NELL1: variants seen among roughly 807,000 people sequenced by gnomAD.
The protein encoded by NELL1 is protein kinase C-binding protein NELL1.
A neutral mutation model predicts 107.4 loss-of-function variants in NELL1; 76 were observed. The ratio of observed to expected loss-of-function variants is 0.71; its 90% CI spans 0.59 to 0.86. The LOEUF is 0.86. Ranked by LOEUF, NELL1 falls within the 40% of genes least tolerant of loss-of-function variation. The pLI is 0.00. For missense variants in NELL1, 1,024 were observed against 1,005.5 expected (o/e 1.02, Z -0.25); for synonymous variants, 353 against 341.2 (o/e 1.03, Z -0.38).
At chr11:21,502,757 TA>T (rs1228182617) in intron 15 of NELL1, among the ~76,000 whole-genome samples, 1 of 152,172 alleles carries the variant, frequency 6.6e-6, no homozygotes. Context: ...CTCAAAAAGG[TA>T]AAACAAATGA....
chr11:20,760,560 A>G (rs549102203), intron 2 of NELL1, among the ~76,000 whole-genome samples: 1 of 152,318 alleles, frequency 6.6e-6, no homozygotes, highest in Non-Finnish European at 1.5e-5. Flanking sequence ...CCTCAAGGGC[A>G]TGGATGGAAG....
intron 9 of NELL1, among the ~76,000 whole-genome samples, chr11:20,931,237 A>T (rs1340730254): frequency 2.0e-5 from 3 of 151,998 alleles, no homozygotes; most frequent in Non-Finnish European, 4.4e-5. Context: ...ATACCGGGGG[A>T]AGGCCTGGGA....
chr11:20,865,993 G>A (rs1383948014), intron 4 of NELL1, among the ~76,000 whole-genome samples: 1 of 152,032 alleles, frequency 6.6e-6, no homozygotes, highest in Non-Finnish European at 1.5e-5. Context: ...CTTGAATCTT[G>A]GGTTTCTTTT....
chr11:20,950,068 G>A (rs2134201910), intron 11 of NELL1, among the ~76,000 whole-genome samples: 1 of 152,304 alleles, frequency 6.6e-6, no homozygotes, highest in East Asian at 1.9e-4. Flanking sequence ...GGAGGTAGGT[G>A]AATTAACCAT....
At chr11:20,842,108 G>T (rs1848632490) in intron 3 of NELL1, among the ~76,000 whole-genome samples, 1 of 152,182 alleles carries the variant, frequency 6.6e-6, no homozygotes, top group African/African-American at 2.4e-5. Context: ...TGGGTGCGGT[G>T]GCTCATGCCT....
At chr11:21,009,515 G>C (rs1852401966) in intron 12 of NELL1, among the ~76,000 whole-genome samples, 1 of 151,898 alleles carries the variant, frequency 6.6e-6, no homozygotes, top group Non-Finnish European at 1.5e-5. Flanking sequence ...CAGGCACAAG[G>C]GTGCATAATT....
At position 20,806,882 on chromosome 11, in the gene NELL1, T is replaced by C. The variant is rs1857395953; in HGVS notation, c.335+23052T>C. Among the ~76,000 whole-genome samples the C allele has an allele frequency of 2.6e-5, 4 of 152,308 alleles. No homozygotes were observed. The South Asian group carries it at 8.3e-4, about 32-fold the overall frequency. ...TTAATTAAATTTTTCAACTCCAGAA[T>C]TTCTGTTTGATTCTTATTTCAATCT... On this transcript the variant is annotated intron_variant, in intron 3 of 19. Transcript: ENST00000357134.
intron 15 of NELL1, among the ~76,000 whole-genome samples, chr11:21,401,456 G>A (rs1852095874): frequency 1.3e-5 from 2 of 151,788 alleles, no homozygotes; most frequent in African/African-American, 4.8e-5. Flanking sequence ...ACTGTGAAGG[G>A]CATTTGGTAT....
chr11:20,930,255 ACT>A (rs1367103736), intron 9 of NELL1, among the ~76,000 whole-genome samples: 1 of 151,834 alleles, frequency 6.6e-6, no homozygotes, highest in Non-Finnish European at 1.5e-5. Flanking sequence ...ACTTAGAAAC[ACT>A]CTTGAAATTT....
chr11:21,028,188 T>C (rs763901589), intron 12 of NELL1, among the ~76,000 whole-genome samples: 6 of 152,174 alleles, frequency 3.9e-5, no homozygotes, highest in Admixed American at 3.9e-4. Flanking sequence ...AAGATGTCCT[T>C]GTTTGGGGCT....
intron 14 of NELL1, among the ~76,000 whole-genome samples, chr11:21,275,636 A>C (rs55712511): frequency 0.043 from 6,605 of 152,358 alleles, 182 homozygotes; most frequent in Admixed American, 0.07. Flanking sequence ...ATGAACATCA[A>C]TGCAAAAATC....
At chr11:20,941,524 C>A (rs1283024313) in intron 10 of NELL1, among the ~76,000 whole-genome samples, 2 of 151,396 alleles carry the variant, frequency 1.3e-5, no homozygotes, top group Non-Finnish European at 2.9e-5. Context: ...TTACTTCCTC[C>A]TACATGATAT....
At chr11:20,739,338 T>C (rs1855834535) in intron 2 of NELL1, among the ~76,000 whole-genome samples, 1 of 152,242 alleles carries the variant, frequency 6.6e-6, no homozygotes, top group Non-Finnish European at 1.5e-5. Flanking sequence ...TACTATGTTC[T>C]TTGTGCTGTA....
chr11:21,484,298 C>G (rs138651789), intron 15 of NELL1, among the ~76,000 whole-genome samples: 82 of 151,294 alleles, frequency 5.4e-4, no homozygotes, highest in Non-Finnish European at 5.5e-4. Context: ...CCTTATGCCC[C>G]GAGAAACCAC....
intron 4 of NELL1, among the ~76,000 whole-genome samples, chr11:20,878,156 C>T (rs147444201): frequency 4.6e-5 from 7 of 151,706 alleles, no homozygotes; most frequent in African/African-American, 9.7e-5. Context: ...GTCAGGAGAT[C>T]GAGACCATCC....
At chr11:20,748,256 C>T (rs1003995790) in intron 2 of NELL1, among the ~76,000 whole-genome samples, 1 of 152,086 alleles carries the variant, frequency 6.6e-6, no homozygotes, top group Non-Finnish European at 1.5e-5. Context: ...AGTGTCTTAC[C>T]ACTCACCTCC....
At chr11:21,183,897 A>C (rs1428881097) in intron 13 of NELL1, among the ~76,000 whole-genome samples, 1 of 151,854 alleles carries the variant, frequency 6.6e-6, no homozygotes, top group Non-Finnish European at 1.5e-5. Context: ...ACTAGTCTGA[A>C]ACAAAAGGAA....
chr11:21,443,702 C>A (rs28553546), intron 15 of NELL1, among the ~76,000 whole-genome samples: 72,643 of 151,346 alleles, frequency 0.48, 18,894 homozygotes, highest in African/African-American at 0.69. Flanking sequence ...AGCCTGACCA[C>A]TTGGGTGTGG....
At chr11:21,483,037 G>A (rs1443744671) in intron 15 of NELL1, among the ~76,000 whole-genome samples, 2 of 151,796 alleles carry the variant, frequency 1.3e-5, no homozygotes, top group African/African-American at 4.8e-5. Flanking sequence ...GCCCAGGCTG[G>A]AGTGCGGTGG....
Sources: gnomAD v4.1 joint callset for allele counts (sites outside exome capture counted in the v4.1 genomes callset) on GRCh38, gnomAD v4.1.1 for gene constraint, MANE v1.5 for transcripts, NCBI Gene and HGNC (gene_info 2026-07-23, HGNC 2026-07-21) for gene names.